The following HACD1 variants were observed in gnomAD, a reference collection of about 807,000 sequenced individuals.
HACD1 encodes the protein very-long-chain (3R)-3-hydroxyacyl-CoA dehydratase 1.
HACD1 carries 41 observed loss-of-function variants against 32.0 expected under a neutral mutation model. The observed-to-expected ratio is 1.28, with a 90% CI of 1.00 to 1.66. The LOEUF (loss-of-function observed/expected upper bound fraction) is 1.66. HACD1 is among the 40% of genes most tolerant of loss of function. The pLI, the probability that HACD1 is intolerant of heterozygous loss-of-function variation, is 0.00. For synonymous variants in HACD1, 142 were observed against 139.0 expected (o/e 1.02, Z -0.15); for missense variants, 396 against 380.1 (o/e 1.04, Z -0.35).
chr10:17,607,807 C>G (rs781952282), intron 1 of HACD1, among the ~76,000 whole-genome samples: 101 of 152,254 alleles, frequency 6.6e-4, no homozygotes, highest in Non-Finnish European at 1.3e-3. Flanking sequence ...TCTATTCTAA[C>G]CTCTTGTCTG....
rs192531224 is a variant in HACD1 at position 17,615,923 on chromosome 10, G to A, written c.257+1160C>T. 636 of 383,962 alleles carry A rather than the reference G, an allele frequency of 1.7e-3. 5 individuals carry two copies. Among genetic ancestry groups the A allele is most frequent in the African/African-American group, 0.013 (597 of 46,752 alleles). The allele number at this position is 383,962 out of a possible 1,614,324, so 23.8% of individuals were successfully genotyped here. ...CTGAGGTTGGCAGTGAGCGGAGATC[G>A]CGCCAATGCACTCCAGCCTGGGCGA... On this transcript the variant is annotated intron_variant, in intron 1 of 6. Transcript: ENST00000361271.
Position 17,606,599 on chromosome 10 carries a change from G to A in HACD1, c.258-2552C>T, listed in dbSNP as rs978591160. The stretch of plus-strand genomic sequence containing the variant: ...ATACAGTGGACAAATGGCTTGAAAA[G>A]ATTCCTGCAAAGAATCTACTAACTG... On this transcript the variant is annotated intron_variant, in intron 1 of 6. Coordinates refer to ENST00000361271, the MANE Select transcript of HACD1 (RefSeq NM_014241.4). Among the ~76,000 whole-genome samples, 4 of 152,288 alleles carry A rather than the reference G, an allele frequency of 2.6e-5. No homozygotes were observed. The East Asian group carries it at 7.7e-4, about 29-fold the overall frequency.
At chr10:17,614,070 A>G (rs1554817775) in intron 1 of HACD1, among the ~76,000 whole-genome samples, 1 of 152,184 alleles carries the variant, frequency 6.6e-6, no homozygotes, top group Non-Finnish European at 1.5e-5. Context: ...CATTTTTGAA[A>G]TATCAGTTGG....
chr10:17,600,109 C>CT (rs1180599462), intron 4 of HACD1, among the ~76,000 whole-genome samples: 1 of 152,170 alleles, frequency 6.6e-6, no homozygotes, highest in African/African-American at 2.4e-5. Context: ...ACCTACTTCT[C>CT]TCTCTGGTGA....
At chr10:17,613,100 GTGT>G (rs1564512178) in intron 1 of HACD1, among the ~76,000 whole-genome samples, 70 of 8,014 alleles carry the variant, frequency 8.7e-3, no homozygotes, top group African/African-American at 0.02. Flanking sequence ...AATTTGGGGT[GTGT>G]GTGTGTGTGT....
intron 1 of HACD1, 115 bp downstream of exon 1, chr10:17,616,968 C>G (rs1026828064): frequency 8.6e-7 from 1 of 1,160,494 alleles, no homozygotes; most frequent in Non-Finnish European, 1.1e-6. Flanking sequence ...CCTTCCCCCA[C>G]GGCCGCTGCC....
intron 1 of HACD1, among the ~76,000 whole-genome samples, chr10:17,604,804 C>G (rs529108886): frequency 6.6e-6 from 1 of 152,206 alleles, no homozygotes; most frequent in Admixed American, 6.5e-5. Flanking sequence ...GTCCAGGGCT[C>G]AAGCGATCCT....
intron 1 of HACD1, among the ~76,000 whole-genome samples, chr10:17,605,907 T>C (rs567814678): frequency 1.3e-5 from 2 of 151,898 alleles, no homozygotes; most frequent in South Asian, 4.2e-4. Context: ...TGAGCTGAGA[T>C]GGTGCCACTG....
intron 1 of HACD1, among the ~76,000 whole-genome samples, chr10:17,610,626 C>G (rs2131520516): frequency 6.8e-6 from 1 of 147,502 alleles, no homozygotes; most frequent in East Asian, 2.0e-4. Flanking sequence ...GAGCCAGACT[C>G]TGTCTCAAAA....
chr10:17,590,745 C>T (rs1833918481), intron 6 of HACD1, among the ~76,000 whole-genome samples: 1 of 152,132 alleles, frequency 6.6e-6, no homozygotes, highest in Admixed American at 6.5e-5. Context: ...GATCTCAGCT[C>T]ACTGCAACCT....
In HACD1 at chr10:17,594,262, T is replaced by C; in HGVS notation, c.727A>G (p.Asn243Asp). 6.2e-7 allele frequency: 1 copy of C among 1,600,648 alleles called. No homozygotes were observed. The highest frequency in any genetic ancestry group is 8.5e-7 in the Non-Finnish European group (1 of 1,173,094). Reference sequence around the variant, plus strand: ...AAATAATAGTAGTCAAAAGAGACATTGTATTTGTTAGGAAGTCTTATTGAA... The same window carrying C: ...AAATAATAGTAGTCAAAAGAGACATCGTATTTGTTAGGAAGTCTTATTGAA... ...MFSIRLPNKY[N>D]VSFDYYYFLL... Residue 243 changes from asparagine (N) to aspartate (D), a missense_variant, in exon 6 of 7, where the codon AAT (asparagine) becomes GAT (aspartate). Transcript: ENST00000361271.
intron 4 of HACD1, among the ~76,000 whole-genome samples, chr10:17,602,215 G>A (rs45568138): frequency 0.015 from 2,238 of 152,034 alleles, 25 homozygotes; most frequent in South Asian, 0.032. Flanking sequence ...GATGGCAGGC[G>A]CCCGCCACCA....
chr10:17,601,896 C>A (rs916695204), intron 4 of HACD1, among the ~76,000 whole-genome samples: 2 of 151,760 alleles, frequency 1.3e-5, no homozygotes, highest in African/African-American at 4.8e-5. Flanking sequence ...AGACAGGGGG[C>A]CAGTGAAGCT....
intron 1 of HACD1, among the ~76,000 whole-genome samples, chr10:17,613,634 C>T (rs1369735004): frequency 2.6e-5 from 4 of 152,142 alleles, no homozygotes; most frequent in African/African-American, 9.7e-5. Context: ...ATTTCAATAT[C>T]CCTTATTTTT....
chr10:17,590,582 C>G, intron 6 of HACD1, 136 bp from the exon 7 acceptor site: 2 of 569,348 alleles, frequency 3.5e-6, no homozygotes, highest in Non-Finnish European at 5.9e-6. Context: ...TTACAGAGCT[C>G]AAGACTATAA....
At position 17,617,140 on chromosome 10, in the gene HACD1, C is replaced by A. The variant is rs1554818201; in HGVS notation, c.200G>T (p.Arg67Leu). ...EDREAPGERR[R>L]LGVLATAWLT... ...CCAGGCGGTGGCCAAGACCCCCAGG[C>A]GCCTCCGCTCGCCGGGAGCCTCCCG... Residue 67 changes from arginine (R) to leucine (L), a missense_variant, in exon 1 of 7, where the codon CGC becomes CTC. Arg to Leu is a moderately radical substitution (Grantham distance 102, BLOSUM62 -2). Coordinates refer to ENST00000361271, the MANE Select transcript of HACD1 (RefSeq NM_014241.4). 3.3e-6 allele frequency: 5 copies of A among 1,507,234 alleles called. No individual in the cohort carries two copies. Among genetic ancestry groups the A allele is most frequent in the Non-Finnish European group, 4.4e-6 (5 of 1,131,368 alleles). 93.4% of individuals were successfully genotyped at this position (1,507,234 alleles called of 1,614,324 possible).
chr10:17,603,980 T>C lies in HACD1; in HGVS notation c.325A>G (p.Lys109Glu). Residue 109 changes from lysine to glutamate, a missense_variant, in exon 2 of 7, where the codon AAA (lysine) becomes GAA (glutamate). Lys to Glu is a moderately conservative substitution (Grantham distance 56). Coordinates refer to ENST00000361271, the MANE Select transcript of HACD1 (RefSeq NM_014241.4). ...AATTTAAGTGTCTTCTGAATACTTTTATATAAACCTCTGTGTGTTCCTTTT... is the reference window on the plus strand; with the variant it reads ...AATTTAAGTGTCTTCTGAATACTTTCATATAAACCTCTGTGTGTTCCTTTT... ...MEKGTHRGLY[K>E]SIQKTLKFFQ... 6.2e-7 allele frequency: 1 copy of C among 1,612,642 alleles called. No homozygotes were observed. Among genetic ancestry groups the C allele is most frequent in the Non-Finnish European group, 8.5e-7 (1 of 1,179,568 alleles).
chr10:17,591,727 A>G (rs117548997), intron 6 of HACD1, among the ~76,000 whole-genome samples: 17 of 152,360 alleles, frequency 1.1e-4, no homozygotes, highest in Middle Eastern at 6.8e-3. Context: ...AAACCAATGA[A>G]CCTTATCACA....
intron 6 of HACD1, among the ~76,000 whole-genome samples, chr10:17,590,865 G>A (rs2131500495): frequency 6.6e-6 from 1 of 152,088 alleles, no homozygotes; most frequent in Admixed American, 6.6e-5. Flanking sequence ...AGTAGAGATG[G>A]GATTTCACCA....
Sources: gnomAD v4.1 joint callset for allele counts (sites outside exome capture counted in the v4.1 genomes callset) on GRCh38, gnomAD v4.1.1 for gene constraint, MANE v1.5 for transcripts, NCBI Gene and HGNC (gene_info 2026-07-23, HGNC 2026-07-21) for gene names.